Variants in KLF17 observed in about 807,000 individuals in gnomAD.
KLF17 encodes the protein KLF transcription factor 17.
A neutral mutation model predicts 34.2 loss-of-function variants in KLF17; 31 were observed. The observed-to-expected ratio is 0.91, with a 90% CI of 0.68 to 1.22. The LOEUF is 1.22. Ranked by LOEUF, KLF17 falls within the 50% of genes most tolerant of loss-of-function variation. The probability of loss-of-function intolerance (pLI) is 0.00; values close to 1 mark genes in which losing one functional copy is unlikely to be tolerated. For synonymous variants in KLF17, 179 were observed against 186.7 expected, an observed-to-expected ratio of 0.96 and a Z score of 0.34; for missense variants, 478 against 505.2, an observed-to-expected ratio of 0.95 and a Z score of 0.52.
chr1:44,104,232 T>C, the KLF17 span: 878 of 1,197,588 alleles, frequency 7.3e-4, 4 homozygotes, highest in Middle Eastern at 8.5e-3. Flanking sequence ...ATTGATCTCA[T>C]CCTCGTACTT....
At chr1:44,128,532 C>T (rs1290468585) in intron 1 of KLF17, among the ~76,000 whole-genome samples, 1 of 152,170 alleles carries the variant, frequency 6.6e-6, no homozygotes, top group African/African-American at 2.4e-5. Context: ...CATCTCTCCT[C>T]CAGTGCTTGA....
At chr1:44,107,258 C>A in the KLF17 span, 4 of 152,268 alleles carry the variant, frequency 2.6e-5, no homozygotes, top group Admixed American at 1.3e-4. Context: ...GCACCTGCCA[C>A]CATGCCCAGC....
At chr1:44,059,868 T>C in the KLF17 span, among the ~76,000 whole-genome samples, 1 of 152,066 alleles carries the variant, frequency 6.6e-6, no homozygotes, top group South Asian at 2.1e-4. Context: ...AGACCATATA[T>C]GGTGCCTTCT....
the KLF17 span, chr1:44,103,750 C>T: frequency 3.3e-6 from 4 of 1,199,744 alleles, no homozygotes; most frequent in South Asian, 4.8e-5. Context: ...ACTGCCAGCT[C>T]CTCAGGCTGC....
At chr1:44,130,321 TG>T in intron 2 of KLF17, 125 bp downstream of exon 2, 1 of 1,433,582 alleles carries the variant, frequency 7.0e-7, no homozygotes, top group Non-Finnish European at 9.4e-7. Context: ...TAAGCTAGAC[TG>T]GCCCCCCGAC....
Position 44,129,969 on chromosome 1 carries a change from T to C in KLF17, c.698T>C (p.Leu233Ser), listed in dbSNP as rs370557101. 10 of 1,614,060 alleles carry C rather than the reference T, an allele frequency of 6.2e-6. No individual in the cohort carries two copies. The highest frequency in any genetic ancestry group is 8.5e-6 in the Non-Finnish European group (10 of 1,180,028). Residue 233 changes from leucine to serine, a missense_variant, in exon 2 of 4, where the codon TTA (leucine) becomes TCA (serine). Leu to Ser is a moderately radical substitution (Grantham distance 145). Transcript: ENST00000372299. ...GCTGAGTCCCAGTCATTGCTGGTTT[T>C]AGGATCTCAGGACTCTCTTGTCAGT... Reference protein sequence around the residue: ...PPAESQSLLVLGSQDSLVSQP... With the variant: ...PPAESQSLLVSGSQDSLVSQP...
chr1:44,058,905 G>T, the KLF17 span, among the ~76,000 whole-genome samples: 1 of 151,608 alleles, frequency 6.6e-6, no homozygotes, highest in Non-Finnish European at 1.5e-5. Flanking sequence ...ACAAAATATC[G>T]CTCCCTTCAA....
chr1:44,129,650 T>A lies in KLF17; in HGVS notation c.379T>A (p.Phe127Ile). 6.2e-7 allele frequency: 1 copy of A among 1,614,206 alleles called. No individual in the cohort carries two copies. The highest frequency in any genetic ancestry group is 8.5e-7 in the Non-Finnish European group (1 of 1,180,028). The change falls in exon 2 of 4, where the codon TTC becomes ATC. Residue 127 changes from phenylalanine (F) to isoleucine (I), a missense_variant. Transcript: ENST00000372299. ...MSPPQQEMTI[F>I]SGPQLMPVGE... ...TCCCCCTCAGCAAGAGATGACGATT[T>A]TCAGTGGGCCCCAACTAATGCCCGT... is the stretch of plus-strand genomic sequence containing the variant.
At chr1:44,080,382 G>A in the KLF17 span, among the ~76,000 whole-genome samples, 174 of 151,940 alleles carry the variant, frequency 1.1e-3, no homozygotes, top group Non-Finnish European at 1.8e-3. Context: ...GGGACTGCAG[G>A]CGCCCACCAC....
chr1:44,122,551 T>C, intron 1 of KLF17: 1 of 799,706 alleles, frequency 1.3e-6, no homozygotes, highest in Non-Finnish European at 2.3e-6. Context: ...GATAGCACAC[T>C]GAATCCAACA....
chr1:44,086,013 T>G, the KLF17 span, among the ~76,000 whole-genome samples: 1 of 151,968 alleles, frequency 6.6e-6, no homozygotes. Flanking sequence ...ACCAACTCTG[T>G]CAAATGCTGC....
the KLF17 span, among the ~76,000 whole-genome samples, chr1:44,094,185 GGT>G: frequency 0.13 from 14,922 of 114,492 alleles, 800 homozygotes; most frequent in African/African-American, 0.2. Flanking sequence ...TTTAAACACA[GGT>G]TATTTGTTTT....
chr1:44,047,985 G>A, the KLF17 span: 2 of 147,820 alleles, frequency 1.4e-5, no homozygotes, highest in African/African-American at 5.0e-5. Context: ...GGGCCCATAA[G>A]AGAACATTGT....
At chr1:44,111,463 G>GTTTTTTTTTTTTTTTTTTTTTT in the KLF17 span, among the ~76,000 whole-genome samples, 1 of 90,476 alleles carries the variant, frequency 1.1e-5, no homozygotes, top group Non-Finnish European at 2.1e-5. Flanking sequence ...TTTGCAACTT[G>GTTTTTTTTTTTTTTTTTTTTTT]TTTTTTTTTT....
chr1:44,052,903 AT>A, the KLF17 span, among the ~76,000 whole-genome samples: 1,107 of 140,572 alleles, frequency 7.9e-3, 4 homozygotes, highest in African/African-American at 0.016. Flanking sequence ...CCTAGGCAGG[AT>A]TTTTTTTTTT....
chr1:44,103,794 C>A, the KLF17 span: 1 of 922,888 alleles, frequency 1.1e-6, no homozygotes, highest in Middle Eastern at 3.2e-4. Context: ...CAGGGAAGCC[C>A]TCTGGCCTTT....
At chr1:44,057,426 G>A in the KLF17 span, among the ~76,000 whole-genome samples, 2 of 152,102 alleles carry the variant, frequency 1.3e-5, no homozygotes, top group African/African-American at 4.8e-5. Context: ...GGAAAAGGAG[G>A]TAGCAGTTAG....
rs1273127668 is a variant in KLF17, at chr1:44,129,269, G to A, written c.82-84G>A. ...AGCAAGAGATGGAAATAGAGGGCTG[G>A]ATTAGGATGGGGTCTGGGGATGAAG... is the stretch of plus-strand genomic sequence containing the variant. On this transcript the variant is annotated intron_variant, in intron 1 of 3. Coordinates refer to ENST00000372299, the MANE Select transcript of KLF17 (RefSeq NM_173484.4). The A allele has an allele frequency of 2.1e-6, 3 of 1,441,446 alleles. No homozygotes were observed. In the African/African-American group the frequency reaches 4.3e-5, roughly 21 times the overall value. 89.3% of individuals were successfully genotyped at this position (1,441,446 alleles called of 1,614,324 possible). A position where few individuals can be genotyped will look rare whatever the true frequency, so the allele number is the denominator to read the frequency against.
At chr1:44,053,402 C>G in the KLF17 span, among the ~76,000 whole-genome samples, 3 of 152,098 alleles carry the variant, frequency 2.0e-5, no homozygotes, top group Non-Finnish European at 4.4e-5. Flanking sequence ...CTTCTCTTAG[C>G]TGTTCCCCCA....
Sources: gnomAD v4.1 joint callset for allele counts (sites outside exome capture counted in the v4.1 genomes callset) on GRCh38, gnomAD v4.1.1 for gene constraint, MANE v1.5 for transcripts, NCBI Gene and HGNC (gene_info 2026-07-23, HGNC 2026-07-21) for gene names.